CSMD1: variants seen among roughly 807,000 people sequenced by gnomAD.
The protein encoded by CSMD1 is CUB and sushi domain-containing protein 1.
CSMD1 carries 213 observed loss-of-function variants against 417.5 expected under a neutral mutation model. The observed-to-expected ratio is 0.51, with a 90% CI of 0.46 to 0.57. CSMD1 has a LOEUF of 0.57. Ranked by LOEUF, CSMD1 falls within the 20% of genes least tolerant of loss-of-function variation. The pLI is 0.00. For missense variants in CSMD1, 6,923 were observed against 4,529.7 expected, an observed-to-expected ratio of 1.53 and a Z score of -15.17; for synonymous variants, 2,862 against 1,736.8, an observed-to-expected ratio of 1.65 and a Z score of -16.11.
At chr8:3,501,579 A>T (rs1345065949) in intron 10 of CSMD1, among the ~76,000 whole-genome samples, 1 of 152,226 alleles carries the variant, frequency 6.6e-6, no homozygotes, top group Non-Finnish European at 1.5e-5. Context: ...GTTAGAAATG[A>T]CAACTCAGAA....
chr8:4,866,397 A>T (rs1802420540), intron 1 of CSMD1, among the ~76,000 whole-genome samples: 1 of 152,124 alleles, frequency 6.6e-6, no homozygotes, highest in East Asian at 1.9e-4. Flanking sequence ...TGTGGTTAAC[A>T]TCTCTCTAAT....
intron 12 of CSMD1, among the ~76,000 whole-genome samples, chr8:3,443,597 G>A (rs975860465): frequency 1.3e-5 from 2 of 152,182 alleles, no homozygotes; most frequent in African/African-American, 4.8e-5. Context: ...AAGCAGAAGT[G>A]AGACCTTCAA....
At chr8:4,839,014 G>C (rs953394217) in intron 1 of CSMD1, among the ~76,000 whole-genome samples, 22 of 152,144 alleles carry the variant, frequency 1.4e-4, no homozygotes, top group African/African-American at 5.3e-4. Context: ...ATTCAGACTT[G>C]TGGTTTTGCC....
intron 3 of CSMD1, among the ~76,000 whole-genome samples, chr8:4,313,106 T>G (rs1183781834): frequency 6.6e-6 from 1 of 152,192 alleles, no homozygotes; most frequent in African/African-American, 2.4e-5. Context: ...CACAACATTC[T>G]TATGGTCCCT....
intron 6 of CSMD1, among the ~76,000 whole-genome samples, chr8:3,740,793 C>G (rs976696588): frequency 6.6e-6 from 1 of 152,160 alleles, no homozygotes; most frequent in African/African-American, 2.4e-5. Context: ...ACTGTGTTTA[C>G]CTTGAGCATC....
Position 3,944,876 on chromosome 8 carries a change from G to C in CSMD1, c.818+53027C>G, listed in dbSNP as rs1350806510. ...GCCACAGCTCTGACAGTTGATTCTGGGTTGTGTTTTCTAATTCATCCCCAC... is the reference window on the plus strand; with the variant it reads ...GCCACAGCTCTGACAGTTGATTCTGCGTTGTGTTTTCTAATTCATCCCCAC... On this transcript the variant is annotated intron_variant, in intron 5 of 69. Transcript: ENST00000635120. Among the ~76,000 whole-genome samples, 11 of 152,076 alleles carry C rather than the reference G, an allele frequency of 7.2e-5. 1 individual carries two copies. Among genetic ancestry groups the C allele is most frequent in the South Asian group, 4.2e-4 (2 of 4,818 alleles).
chr8:4,080,288 G>A (rs113712801), intron 3 of CSMD1, among the ~76,000 whole-genome samples: 14 of 152,204 alleles, frequency 9.2e-5, no homozygotes, highest in South Asian at 8.3e-4. Context: ...TGCACACCAC[G>A]GTTACAGTGT....
At chr8:4,169,303 C>G (rs573203083) in intron 3 of CSMD1, among the ~76,000 whole-genome samples, 1 of 152,288 alleles carries the variant, frequency 6.6e-6, no homozygotes, top group Non-Finnish European at 1.5e-5. Context: ...ACTCCTGATC[C>G]TTCCTCTAAA....
chr8:3,834,431 C>A (rs1328678050), intron 5 of CSMD1, among the ~76,000 whole-genome samples: 1 of 152,282 alleles, frequency 6.6e-6, no homozygotes, highest in East Asian at 1.9e-4. Context: ...GGAAGTGGGG[C>A]AGACTCACTG....
At chr8:3,515,953 T>C (rs1797265735) in intron 10 of CSMD1, among the ~76,000 whole-genome samples, 1 of 152,210 alleles carries the variant, frequency 6.6e-6, no homozygotes, top group Admixed American at 6.5e-5. Context: ...TTGAGTGACG[T>C]ACCAAACTGT....
chr8:3,268,287 C>CTT lies in CSMD1; in HGVS notation c.4153+15856_4153+15857insAA, dbSNP rs1172040830. ...AGGGTGTGGTCAGATGGTTCATTTC[C>CTT]TATTTTTTTTTTTTTTTTTTTTTTT... is the stretch of plus-strand genomic sequence containing the variant. On this transcript the variant is annotated intron_variant, in intron 26 of 69. Coordinates refer to ENST00000635120, the MANE Select transcript of CSMD1 (RefSeq NM_033225.6). 2.8e-3 allele frequency among the ~76,000 whole-genome samples: 316 copies of CTT among 114,578 alleles called. 18 individuals are homozygous for CTT. Among genetic ancestry groups the CTT allele is most frequent in the African/African-American group, 0.01 (294 of 28,758 alleles). The allele number at this position is 114,578 out of a possible 152,430, so 75.2% of individuals were successfully genotyped here.
intron 25 of CSMD1, among the ~76,000 whole-genome samples, chr8:3,285,398 T>G (rs1322453887): frequency 6.6e-6 from 1 of 151,708 alleles, no homozygotes; most frequent in African/African-American, 2.4e-5. Flanking sequence ...CTTTTTTTTT[T>G]TTTCTAGAGA....
chr8:4,632,901 G>A (rs555294575), intron 2 of CSMD1, among the ~76,000 whole-genome samples: 1 of 152,176 alleles, frequency 6.6e-6, no homozygotes, highest in South Asian at 2.1e-4. Flanking sequence ...TCAGGTCAAG[G>A]AGTAACCCAC....
At chr8:4,036,956 GGTGTGTGTGTGTGTGTGTGTGTGT>G (rs57139782) in intron 3 of CSMD1, among the ~76,000 whole-genome samples, 3 of 145,936 alleles carry the variant, frequency 2.1e-5, no homozygotes, top group Non-Finnish European at 4.5e-5. Flanking sequence ...GTGAGTGTGG[GGTGTGTGTGTGTGTGTGTGTGTGT>G]GTGTGTGTGT....
intron 1 of CSMD1, among the ~76,000 whole-genome samples, chr8:4,652,924 A>G (rs527497415): frequency 1.3e-5 from 2 of 152,154 alleles, no homozygotes; most frequent in African/African-American, 4.8e-5. Context: ...GGTGGAGTTC[A>G]GGTGGTAATG....
chr8:3,739,727 T>C (rs1404060332), intron 6 of CSMD1, among the ~76,000 whole-genome samples: 2 of 152,228 alleles, frequency 1.3e-5, no homozygotes, highest in African/African-American at 4.8e-5. Flanking sequence ...TTTTAAACTA[T>C]TGATCCACAG....
chr8:4,399,582 C>A (rs1414277636), intron 3 of CSMD1, among the ~76,000 whole-genome samples: 1 of 151,882 alleles, frequency 6.6e-6, no homozygotes, highest in Admixed American at 6.6e-5. Context: ...GTCTTTATAC[C>A]ACCCCTGGAT....
chr8:3,791,204 C>A (rs1184809007), intron 5 of CSMD1, among the ~76,000 whole-genome samples: 1 of 152,110 alleles, frequency 6.6e-6, no homozygotes, highest in Non-Finnish European at 1.5e-5. Flanking sequence ...AACCCCTACC[C>A]CAAACATAAA....
At chr8:4,276,692 T>C (rs1392943995) in intron 3 of CSMD1, among the ~76,000 whole-genome samples, 4 of 152,218 alleles carry the variant, frequency 2.6e-5, no homozygotes, top group African/African-American at 9.6e-5. Context: ...AAACGAAGTC[T>C]TTAGTTCCAG....
Sources: allele counts gnomAD v4.1 joint callset (sites outside exome capture counted in the v4.1 genomes callset), GRCh38; gene constraint gnomAD v4.1.1; transcripts MANE v1.5; gene names NCBI Gene and HGNC (gene_info 2026-07-23, HGNC 2026-07-21).